UTS2: variants seen among roughly 807,000 people sequenced by gnomAD.
The protein encoded by UTS2 is urotensin-2.
Under a neutral mutation model 12.6 loss-of-function variants are expected in UTS2, and 10 were observed. The ratio of observed to expected loss-of-function variants is 0.80; its 90% CI spans 0.49 to 1.35. The LOEUF (loss-of-function observed/expected upper bound fraction) is 1.35, where lower values mean the gene tolerates loss of function less well. Ranked by LOEUF, UTS2 falls within the 40% of genes most tolerant of loss-of-function variation. UTS2 has a pLI of 0.00. For synonymous variants in UTS2, 52 were observed against 50.0 expected (o/e 1.04, Z -0.17); for missense variants, 142 against 143.2 (o/e 0.99, Z 0.04).
chr1:7,910,391 C>T, the UTS2 span, among the ~76,000 whole-genome samples: 1 of 152,010 alleles, frequency 6.6e-6, no homozygotes, highest in African/African-American at 2.4e-5. Context: ...GCCTCACACC[C>T]AGAAGGAATG....
At chr1:7,903,004 CTTCCCTCT>C in the UTS2 span, among the ~76,000 whole-genome samples, 1 of 140,120 alleles carries the variant, frequency 7.1e-6, no homozygotes, top group Non-Finnish European at 1.5e-5. Context: ...TCCCTCCCTC[CTTCCCTCT>C]TCCCCTCCTT....
chr1:7,863,944 T>C, the UTS2 span, among the ~76,000 whole-genome samples: 8 of 152,220 alleles, frequency 5.3e-5, no homozygotes. Context: ...GGCCTCCCTC[T>C]CCACGTGGCC....
chr1:7,887,762 GAAA>G, the UTS2 span, among the ~76,000 whole-genome samples: 57 of 126,580 alleles, frequency 4.5e-4, no homozygotes, highest in South Asian at 7.7e-4. Context: ...TCTCTAAAAG[GAAA>G]AAAAAAAAAA....
chr1:7,912,933 T>C, the UTS2 span, among the ~76,000 whole-genome samples: 1 of 151,984 alleles, frequency 6.6e-6, no homozygotes, highest in Non-Finnish European at 1.5e-5. Flanking sequence ...TCTCCTTTTC[T>C]CATTCCCCTG....
chr1:7,901,265 C>T, the UTS2 span, among the ~76,000 whole-genome samples: 7 of 152,242 alleles, frequency 4.6e-5, no homozygotes, highest in African/African-American at 1.7e-4. Context: ...AGAAATAACA[C>T]AGGCATGAAT....
At chr1:7,884,726 C>CCCAT in the UTS2 span, among the ~76,000 whole-genome samples, 5 of 152,214 alleles carry the variant, frequency 3.3e-5, no homozygotes, top group African/African-American at 1.2e-4. Context: ...TTATCCACAA[C>CCCAT]CCATCCATCC....
chr1:7,864,460 C>T, the UTS2 span, among the ~76,000 whole-genome samples: 3 of 152,184 alleles, frequency 2.0e-5, no homozygotes, highest in African/African-American at 4.8e-5. Context: ...TCTGCACCCA[C>T]CAAAGAAGAC....
the UTS2 span, among the ~76,000 whole-genome samples, chr1:7,902,716 C>T: frequency 6.6e-6 from 1 of 152,166 alleles, no homozygotes; most frequent in Non-Finnish European, 1.5e-5. Context: ...CCAGCTTCCC[C>T]GGCCAGCGCC....
chr1:7,853,608 G>T, upstream of UTS2: 2 of 727,118 alleles, frequency 2.8e-6, no homozygotes, highest in Non-Finnish European at 4.3e-6. Context: ...GTACATACAC[G>T]TGGCCTCATG....
At chr1:7,909,270 G>A in the UTS2 span, among the ~76,000 whole-genome samples, 1 of 152,060 alleles carries the variant, frequency 6.6e-6, no homozygotes, top group African/African-American at 2.4e-5. Context: ...ATATTTTTTA[G>A]TACTGGGCTT....
chr1:7,911,900 C>A, the UTS2 span, among the ~76,000 whole-genome samples: 321 of 133,422 alleles, frequency 2.4e-3, no homozygotes, highest in East Asian at 2.7e-3. Context: ...GACTCTGTCT[C>A]AAAAAAAAAA....
chr1:7,892,346 CT>C, the UTS2 span, among the ~76,000 whole-genome samples: 3 of 152,022 alleles, frequency 2.0e-5, no homozygotes. Context: ...GTGTTCTTGC[CT>C]TTTCCAGTTT....
upstream of UTS2, among the ~76,000 whole-genome samples, chr1:7,855,592 A>G (rs1157189717): frequency 6.6e-6 from 1 of 151,152 alleles, no homozygotes; most frequent in Non-Finnish European, 1.5e-5. Context: ...AAAGGACTTC[A>G]GGCTGGTCTT....
the UTS2 span, among the ~76,000 whole-genome samples, chr1:7,864,616 C>T: frequency 2.0e-5 from 3 of 152,194 alleles, no homozygotes; most frequent in Non-Finnish European, 4.4e-5. Flanking sequence ...TTGTCCCAGA[C>T]CATTGTATGT....
At chr1:7,860,138 A>T in the UTS2 span, among the ~76,000 whole-genome samples, 4 of 152,320 alleles carry the variant, frequency 2.6e-5, no homozygotes. Flanking sequence ...GGGATGTAGC[A>T]ATGACCAAAA....
At chr1:7,864,125 C>G in the UTS2 span, among the ~76,000 whole-genome samples, 1 of 152,230 alleles carries the variant, frequency 6.6e-6, no homozygotes, top group South Asian at 2.1e-4. Context: ...TTTGTGTAGG[C>G]TGCCATCACA....
At chr1:7,871,334 C>T in the UTS2 span, among the ~76,000 whole-genome samples, 2 of 141,584 alleles carry the variant, frequency 1.4e-5, no homozygotes, top group African/African-American at 2.8e-5. Context: ...TCACGTAACA[C>T]AACGTGCTCT....
chr1:7,870,981 G>C, the UTS2 span, among the ~76,000 whole-genome samples: 48 of 152,202 alleles, frequency 3.2e-4, no homozygotes, highest in Admixed American at 9.8e-4. Context: ...CCAGGATGCT[G>C]TCAGGAAGAA....
chr1:7,895,855 A>C, the UTS2 span, among the ~76,000 whole-genome samples: 1 of 152,052 alleles, frequency 6.6e-6, no homozygotes, highest in Non-Finnish European at 1.5e-5. Context: ...CTGCTTCTAC[A>C]TTTTCTTAGT....
Sources: gnomAD v4.1 joint callset for allele counts (sites outside exome capture counted in the v4.1 genomes callset) on GRCh38, gnomAD v4.1.1 for gene constraint, MANE v1.5 for transcripts, NCBI Gene and HGNC (gene_info 2026-07-23, HGNC 2026-07-21) for gene names.